LINGO2: variants seen among roughly 807,000 people sequenced by gnomAD.
The protein encoded by LINGO2 is leucine rich repeat and Ig domain containing 2.
LINGO2 carries 14 observed loss-of-function variants against 30.6 expected under a neutral mutation model. The observed-to-expected ratio is 0.46, with a 90% CI of 0.30 to 0.72. The LOEUF (loss-of-function observed/expected upper bound fraction) is 0.72. Ranked by LOEUF, LINGO2 falls within the 30% of genes least tolerant of loss-of-function variation. LINGO2 has a pLI of 0.07. For missense variants in LINGO2, 729 were observed against 751.7 expected, an observed-to-expected ratio of 0.97 and a Z score of 0.35; for synonymous variants, 317 against 288.5, an observed-to-expected ratio of 1.10 and a Z score of -1.00.
At chr9:28,314,084 A>G (rs945980199) in intron 3 of LINGO2, among the ~76,000 whole-genome samples, 1 of 151,960 alleles carries the variant, frequency 6.6e-6, no homozygotes. Context: ...ACAGGCGCCC[A>G]CCACCTCGCC....
chr9:27,946,843 T>C (rs183029119), downstream of LINGO2, among the ~76,000 whole-genome samples: 6 of 152,290 alleles, frequency 3.9e-5, no homozygotes, highest in South Asian at 8.3e-4. Flanking sequence ...TTCATCATAT[T>C]TTCCACCCTT....
chr9:28,877,873 C>T, the LINGO2 span, among the ~76,000 whole-genome samples: 1 of 152,136 alleles, frequency 6.6e-6, no homozygotes, highest in Non-Finnish European at 1.5e-5. Flanking sequence ...ATTGATTCTT[C>T]CTACCAATGA....
intron 4 of LINGO2, among the ~76,000 whole-genome samples, chr9:28,271,185 C>T (rs771033273): frequency 6.6e-6 from 1 of 151,192 alleles, no homozygotes; most frequent in Non-Finnish European, 1.5e-5. Flanking sequence ...AAACTTAGAA[C>T]TTTGTAATTT....
At chr9:28,568,328 G>A (rs1396080596) in intron 1 of LINGO2, among the ~76,000 whole-genome samples, 15 of 151,998 alleles carry the variant, frequency 9.9e-5, no homozygotes, top group Admixed American at 9.8e-4. Flanking sequence ...CTACTTGTGG[G>A]TAGAGGGTGG....
At chr9:28,317,369 A>G (rs1824882139) in intron 3 of LINGO2, among the ~76,000 whole-genome samples, 1 of 152,318 alleles carries the variant, frequency 6.6e-6, no homozygotes, top group East Asian at 1.9e-4. Context: ...TGTGTCAAAC[A>G]AATGTCTTAA....
the LINGO2 span, among the ~76,000 whole-genome samples, chr9:29,177,373 CA>C: frequency 7.2e-5 from 11 of 152,110 alleles, no homozygotes; most frequent in Admixed American, 6.5e-5. Flanking sequence ...ATGTGCTTTT[CA>C]AAATTTGCAC....
intron 2 of LINGO2, among the ~76,000 whole-genome samples, chr9:28,379,388 G>C (rs898316908): frequency 6.6e-6 from 1 of 152,090 alleles, no homozygotes; most frequent in East Asian, 1.9e-4. Context: ...CACTAGGAAA[G>C]TAGAGTGGTG....
At chr9:28,363,997 T>C (rs1376194540) in intron 3 of LINGO2, among the ~76,000 whole-genome samples, 1 of 151,408 alleles carries the variant, frequency 6.6e-6, no homozygotes, top group African/African-American at 2.4e-5. Flanking sequence ...AAAAAGATGA[T>C]GTATTTTCTG....
the LINGO2 span, among the ~76,000 whole-genome samples, chr9:29,185,322 C>A: frequency 6.6e-6 from 1 of 152,148 alleles, no homozygotes; most frequent in East Asian, 1.9e-4. Context: ...GGAAATAATT[C>A]CACCCCTTGA....
At chr9:28,797,858 A>G in the LINGO2 span, among the ~76,000 whole-genome samples, 1 of 152,092 alleles carries the variant, frequency 6.6e-6, no homozygotes, top group Non-Finnish European at 1.5e-5. Context: ...AAAAACCTGG[A>G]GCACTCAGTA....
At chr9:28,050,414 A>C (rs1824618812) in intron 4 of LINGO2, among the ~76,000 whole-genome samples, 1 of 150,820 alleles carries the variant, frequency 6.6e-6, no homozygotes, top group African/African-American at 2.5e-5. Context: ...ATAAATCCTA[A>C]GTAAGGGATA....
the LINGO2 span, among the ~76,000 whole-genome samples, chr9:28,678,858 A>G: frequency 6.6e-6 from 1 of 152,156 alleles, no homozygotes; most frequent in Admixed American, 6.6e-5. Context: ...ACAGTACTTT[A>G]CTTAGAAAAA....
intron 3 of LINGO2, among the ~76,000 whole-genome samples, chr9:28,302,570 C>T (rs939939706): frequency 1.3e-5 from 2 of 152,088 alleles, no homozygotes; most frequent in African/African-American, 4.8e-5. Context: ...ACTCAGGAGG[C>T]TGAGTTGGGA....
At chr9:28,982,028 T>C in the LINGO2 span, among the ~76,000 whole-genome samples, 1 of 152,130 alleles carries the variant, frequency 6.6e-6, no homozygotes, top group East Asian at 1.9e-4. Context: ...TTTATTTCAG[T>C]AACCAGATAT....
At chr9:28,863,736 C>T in the LINGO2 span, 4 of 472,732 alleles carry the variant, frequency 8.5e-6, no homozygotes, top group Non-Finnish European at 1.4e-5. Context: ...TACCTATGAA[C>T]CAACAAAAAC....
intron 1 of LINGO2, among the ~76,000 whole-genome samples, chr9:28,496,904 T>C (rs1245268527): frequency 2.0e-5 from 3 of 152,220 alleles, no homozygotes; most frequent in African/African-American, 7.2e-5. Context: ...ATTTTATTTC[T>C]CCTTCTCTTA....
intron 4 of LINGO2, among the ~76,000 whole-genome samples, chr9:28,028,551 T>C (rs12684725): frequency 0.16 from 24,274 of 152,004 alleles, 2,096 homozygotes; most frequent in South Asian, 0.26. Flanking sequence ...TAATGAATGG[T>C]AGATTGATGT....
Position 28,148,196 on chromosome 9 carries a change from TGGGAC to T in LINGO2, c.-86-135796_-86-135792del. 1.3e-6 allele frequency: 1 copy of T among 759,178 alleles called. No individual in the cohort carries two copies. The highest frequency in any genetic ancestry group is 3.2e-5 in the Admixed American group (1 of 31,582). 47.0% of individuals were successfully genotyped at this position (759,178 alleles called of 1,614,324 possible). ...TCTTGGGCCTTCTTTTCCAGTCAGT[TGGGAC>T]GGCGCCCCTATGAGGCTGTGTCTTA... On this transcript the variant is annotated intron_variant, in intron 4 of 5. Transcript: ENST00000379992. This position sits in a 1 kb window ranked among gnomAD's most constrained non-coding sequence, Gnocchi z 5.1.
At chr9:28,262,921 G>C (rs575188731) in intron 4 of LINGO2, among the ~76,000 whole-genome samples, 1 of 152,074 alleles carries the variant, frequency 6.6e-6, no homozygotes, top group East Asian at 1.9e-4. Context: ...TGTGTAACAA[G>C]TAAGTTTGTA....
Sources: allele counts gnomAD v4.1 joint callset (sites outside exome capture counted in the v4.1 genomes callset), GRCh38; gene constraint gnomAD v4.1.1; non-coding constraint Gnocchi (gnomAD v3.1); transcripts MANE v1.5; gene names NCBI Gene and HGNC (gene_info 2026-07-23, HGNC 2026-07-21).